Variants in RARB observed in about 807,000 individuals in gnomAD.
RARB encodes HBV-activated protein.
In RARB, 17 loss-of-function variants were observed where a neutral mutation model predicts 51.9. The observed-to-expected ratio is 0.33, with a 90% CI of 0.22 to 0.49. RARB has a LOEUF of 0.49. Ranked by LOEUF, RARB falls within the 20% of genes least tolerant of loss-of-function variation. The pLI is 0.99. For missense variants in RARB, 369 were observed against 550.8 expected, an observed-to-expected ratio of 0.67 and a Z score of 3.30; for synonymous variants, 215 against 195.4, an observed-to-expected ratio of 1.10 and a Z score of -0.84.
intron 5 of RARB, among the ~76,000 whole-genome samples, chr3:25,240,836 T>C (rs1192068222): frequency 6.6e-6 from 1 of 152,170 alleles, no homozygotes; most frequent in African/African-American, 2.4e-5. Flanking sequence ...ATCAGGGTAA[T>C]TTTGGCTTTG....
At chr3:25,309,556 G>T (rs1704239153) in intron 5 of RARB, among the ~76,000 whole-genome samples, 1 of 134,590 alleles carries the variant, frequency 7.4e-6, no homozygotes, top group Non-Finnish European at 1.5e-5. Flanking sequence ...GGAGTGCAGT[G>T]GTGTGATCTC....
intron 3 of RARB, among the ~76,000 whole-genome samples, chr3:25,518,664 A>T (rs1463375432): frequency 6.6e-6 from 1 of 152,210 alleles, no homozygotes; most frequent in Non-Finnish European, 1.5e-5. Flanking sequence ...TCTTCATTCC[A>T]TTTCAAATTC....
chr3:25,285,639 G>T (rs527923569), intron 5 of RARB, among the ~76,000 whole-genome samples: 1 of 152,084 alleles, frequency 6.6e-6, no homozygotes, highest in South Asian at 2.1e-4. Context: ...TGGAGAGAGG[G>T]GAGTATTTCA....
intron 3 of RARB, among the ~76,000 whole-genome samples, chr3:25,069,792 C>G (rs1253228194): frequency 6.6e-6 from 1 of 152,160 alleles, no homozygotes; most frequent in Non-Finnish European, 1.5e-5. Flanking sequence ...AGCAAATATT[C>G]ACATATACAA....
chr3:24,881,086 C>T (rs1703150428), intron 2 of RARB, among the ~76,000 whole-genome samples: 1 of 152,134 alleles, frequency 6.6e-6, no homozygotes, highest in Non-Finnish European at 1.5e-5. Context: ...TGAGTTCTCA[C>T]TAGAGGTGAT....
At chr3:25,084,264 G>GA (rs754138365) in intron 3 of RARB, among the ~76,000 whole-genome samples, 5 of 152,148 alleles carry the variant, frequency 3.3e-5, no homozygotes, top group African/African-American at 1.2e-4. Flanking sequence ...TTCCCCAGCA[G>GA]AAACAACTCT....
chr3:25,029,613 T>G (rs1559440025), intron 2 of RARB, among the ~76,000 whole-genome samples: 1 of 152,308 alleles, frequency 6.6e-6, no homozygotes, highest in South Asian at 2.1e-4. Context: ...TTTCTCCACG[T>G]GACTCTGACC....
chr3:25,437,041 T>C (rs1391855591), intron 1 of RARB, among the ~76,000 whole-genome samples: 1 of 152,040 alleles, frequency 6.6e-6, no homozygotes, highest in African/African-American at 2.4e-5. Flanking sequence ...TGAAAACATA[T>C]GGAAGTCACC....
chr3:25,456,777 G>C (rs1402745364), intron 1 of RARB, among the ~76,000 whole-genome samples: 1 of 145,678 alleles, frequency 6.9e-6, no homozygotes, highest in Non-Finnish European at 1.5e-5. Context: ...ATTTTTTTTG[G>C]GGATCGTACA....
intron 2 of RARB, among the ~76,000 whole-genome samples, chr3:24,862,245 G>A (rs554136372): frequency 7.3e-4 from 111 of 152,284 alleles, no homozygotes; most frequent in African/African-American, 2.6e-3. Flanking sequence ...AAAGAATTAT[G>A]ACTCATCAGT....
At chr3:24,919,863 A>G (rs1695183215) in intron 2 of RARB, among the ~76,000 whole-genome samples, 1 of 152,090 alleles carries the variant, frequency 6.6e-6, no homozygotes, top group East Asian at 1.9e-4. Flanking sequence ...GTGCTGCTGA[A>G]CTCTGAACAG....
Position 24,947,555 on chromosome 3 carries a change from T to A in RARB, c.-380+88803T>A, listed in dbSNP as rs186730886. Among the ~76,000 whole-genome samples, 21 of 152,344 alleles carry A rather than the reference T, an allele frequency of 1.4e-4. No individual in the cohort carries two copies. In the East Asian group the frequency reaches 4.0e-3, roughly 29 times the overall value. On this transcript the variant is annotated intron_variant, in intron 2 of 11. Coordinates refer to the RARB transcript ENST00000383772. ...TCGTGGAAGCATGGACATCTTTTTT[T>A]ATGGAGTTCCACGGGGATACATTTT... is the stretch of plus-strand genomic sequence containing the variant.
chr3:24,849,740 C>T (rs1702533218), intron 1 of RARB, among the ~76,000 whole-genome samples: 1 of 152,224 alleles, frequency 6.6e-6, no homozygotes, highest in Non-Finnish European at 1.5e-5. Flanking sequence ...TTTGAGCATA[C>T]CTGTTTACCC....
intron 5 of RARB, among the ~76,000 whole-genome samples, chr3:25,265,201 A>G (rs1208757624): frequency 1.2e-4 from 18 of 152,204 alleles, no homozygotes; most frequent in Admixed American, 1.2e-3. Flanking sequence ...CTGTGGTTAC[A>G]ATAGAGGCCA....
intron 2 of RARB, among the ~76,000 whole-genome samples, chr3:24,859,665 C>A (rs1702704899): frequency 1.3e-5 from 2 of 152,160 alleles, no homozygotes; most frequent in African/African-American, 4.8e-5. Context: ...ATATTAAAAT[C>A]TGAATTGTAA....
intron 2 of RARB, among the ~76,000 whole-genome samples, chr3:24,867,133 A>G (rs190600755): frequency 1.4e-4 from 22 of 152,276 alleles, no homozygotes; most frequent in Non-Finnish European, 2.6e-4. Context: ...GACCTCTGGA[A>G]TTATGGCTGG....
At chr3:25,453,165 T>C (rs1252824166) in intron 1 of RARB, among the ~76,000 whole-genome samples, 1 of 151,706 alleles carries the variant, frequency 6.6e-6, no homozygotes, top group Admixed American at 6.6e-5. Context: ...CAGACATCAA[T>C]GTGCGTAAAA....
chr3:24,999,210 A>G lies in RARB; in HGVS notation c.-379-60915A>G, dbSNP rs182621234. On this transcript the variant is annotated intron_variant, in intron 2 of 11. Transcript: ENST00000383772. Reference sequence around the variant, plus strand: ...TGCTGAATGTTCATCCCATGATATGAAATTAGAGAGGTCTTGCATTGCCAT... The same window carrying G: ...TGCTGAATGTTCATCCCATGATATGGAATTAGAGAGGTCTTGCATTGCCAT... 3.3e-5 allele frequency among the ~76,000 whole-genome samples: 5 copies of G among 152,302 alleles called. No individual in the cohort carries two copies. In the East Asian group the frequency reaches 9.6e-4, roughly 29 times the overall value.
chr3:25,015,259 A>C (rs1191371477), intron 2 of RARB, among the ~76,000 whole-genome samples: 3 of 152,208 alleles, frequency 2.0e-5, no homozygotes, highest in Non-Finnish European at 2.9e-5. Flanking sequence ...GAAATTAAAA[A>C]TGCTGATAGG....
Sources: gnomAD v4.1 joint callset for allele counts (sites outside exome capture counted in the v4.1 genomes callset) on GRCh38, gnomAD v4.1.1 for gene constraint, MANE v1.5 for transcripts, NCBI Gene and HGNC (gene_info 2026-07-23, HGNC 2026-07-21) for gene names.